HAPLN1: variants seen among roughly 807,000 people sequenced by gnomAD.
HAPLN1 encodes Cartilage link protein.
Under a neutral mutation model 36.5 loss-of-function variants are expected in HAPLN1, and 13 were observed. The ratio of observed to expected loss-of-function variants is 0.36; its 90% CI spans 0.23 to 0.57. HAPLN1 has a LOEUF of 0.57. Among genes scored for constraint, HAPLN1 ranks in the 20% least tolerant of loss-of-function variants. The pLI is 0.83. For synonymous variants in HAPLN1, 202 were observed against 169.8 expected (o/e 1.19, Z -1.48); for missense variants, 407 against 439.7 (o/e 0.93, Z 0.66).
At chr5:83,663,152 C>G (rs905542889) in intron 2 of HAPLN1, among the ~76,000 whole-genome samples, 2 of 152,154 alleles carry the variant, frequency 1.3e-5, no homozygotes, top group Non-Finnish European at 2.9e-5. Context: ...GCACAGGCCC[C>G]GTTCTAAACA....
At chr5:83,697,695 A>G (rs1482408506) in intron 1 of HAPLN1, among the ~76,000 whole-genome samples, 1 of 152,042 alleles carries the variant, frequency 6.6e-6, no homozygotes, top group Non-Finnish European at 1.5e-5. Context: ...CCTCACTGAC[A>G]CTTATTATTG....
intron 1 of HAPLN1, among the ~76,000 whole-genome samples, chr5:83,702,550 C>G (rs917488808): frequency 1.1e-4 from 16 of 152,116 alleles, no homozygotes; most frequent in African/African-American, 3.6e-4. Context: ...GGTTTGGTCT[C>G]TCAGAGAAAT....
rs144125751 is a variant in HAPLN1, at chr5:83,680,042, A to G, written c.-26-6493T>C. On this transcript the variant is annotated intron_variant, in intron 1 of 4. Transcript: ENST00000274341. ...GTTTAAGTAGCAATTCAATTTACTT[A>G]CTGTTTTTGGCTGTTGCTCTTTGCT... 2.6e-5 allele frequency among the ~76,000 whole-genome samples: 4 copies of G among 152,276 alleles called. No individual in the cohort carries two copies. In the East Asian group the frequency reaches 5.8e-4, roughly 22 times the overall value.
chr5:83,662,742 T>G (rs1750439754), intron 2 of HAPLN1, among the ~76,000 whole-genome samples: 1 of 152,208 alleles, frequency 6.6e-6, no homozygotes, highest in African/African-American at 2.4e-5. Context: ...TGCCTTGATG[T>G]GGTAAAGGCA....
chr5:83,671,372 C>T (rs1395952448), intron 2 of HAPLN1, among the ~76,000 whole-genome samples: 1 of 152,186 alleles, frequency 6.6e-6, no homozygotes, highest in African/African-American at 2.4e-5. Flanking sequence ...ATTGAGATAG[C>T]TAATTTAATC....
intron 4 of HAPLN1, among the ~76,000 whole-genome samples, chr5:83,644,098 C>A (rs974642820): frequency 6.6e-6 from 1 of 152,138 alleles, no homozygotes; most frequent in African/African-American, 2.4e-5. Flanking sequence ...AGACCTCAAG[C>A]CACATAACAG....
chr5:83,690,698 T>G (rs1004615141), intron 1 of HAPLN1, among the ~76,000 whole-genome samples: 18 of 152,036 alleles, frequency 1.2e-4, no homozygotes, highest in Admixed American at 6.6e-5. Context: ...ACCCCTGATT[T>G]TCTCTTCCTT....
At position 83,704,322 on chromosome 5, in the gene HAPLN1, A is replaced by G. The variant is rs1181664814; in HGVS notation, c.-27+16467T>C. ...AAAAGCACACTTAAATATACAGGCA[A>G]GTGACACTATAAAGCAACCACACAA... On this transcript the variant is annotated intron_variant, in intron 1 of 4. Transcript: ENST00000274341. Among the ~76,000 whole-genome samples, 5 of 152,226 alleles carry G rather than the reference A, an allele frequency of 3.3e-5. No homozygotes were observed. In the East Asian group the frequency reaches 9.6e-4, roughly 29 times the overall value.
intron 2 of HAPLN1, among the ~76,000 whole-genome samples, chr5:83,659,225 G>T (rs552340802): frequency 8.6e-5 from 13 of 151,874 alleles, no homozygotes; most frequent in Admixed American, 7.2e-4. Context: ...AGTGAGCCAA[G>T]ATTGCACCAC....
intron 1 of HAPLN1, among the ~76,000 whole-genome samples, chr5:83,688,183 CT>C (rs1423596845): frequency 2.6e-5 from 4 of 152,162 alleles, no homozygotes; most frequent in Non-Finnish European, 5.9e-5. Context: ...CTTTAGTCTT[CT>C]GATACTCTCT....
chr5:83,667,212 A>G (rs1291220990), intron 2 of HAPLN1, among the ~76,000 whole-genome samples: 1 of 152,166 alleles, frequency 6.6e-6, no homozygotes, highest in East Asian at 1.9e-4. Flanking sequence ...ACTCCTACAT[A>G]TATACTTTTG....
chr5:83,641,851 G>A, intron 4 of HAPLN1, 66 bp from the exon 5 acceptor site: 1 of 1,489,510 alleles, frequency 6.7e-7, no homozygotes, highest in South Asian at 1.3e-5. Flanking sequence ...GATAGAAAGA[G>A]CCAAAAACGG....
chr5:83,685,671 G>A lies in HAPLN1; in HGVS notation c.-26-12122C>T, dbSNP rs187275788. On this transcript the variant is annotated intron_variant, in intron 1 of 4. Transcript: ENST00000274341. ...TTGGTCCTTCTAATCTTGAGTTTTC[G>A]TGAGTGTTCAATGAATGAATAAGGA... 2.4e-4 allele frequency among the ~76,000 whole-genome samples: 36 copies of A among 152,180 alleles called. No individual in the cohort carries two copies. In the East Asian group the frequency reaches 2.7e-3, roughly 11 times the overall value.
chr5:83,713,624 C>A (rs1455418882), intron 1 of HAPLN1, among the ~76,000 whole-genome samples: 1 of 152,170 alleles, frequency 6.6e-6, no homozygotes, highest in Non-Finnish European at 1.5e-5. Context: ...AATGTGCATT[C>A]AACTCCTATG....
chr5:83,687,512 C>T (rs1251835080), intron 1 of HAPLN1, among the ~76,000 whole-genome samples: 1 of 152,190 alleles, frequency 6.6e-6, no homozygotes, highest in Admixed American at 6.6e-5. Context: ...GAATATCTCT[C>T]ACCATTATAG....
intron 1 of HAPLN1, among the ~76,000 whole-genome samples, chr5:83,706,914 G>A (rs530227304): frequency 6.6e-6 from 1 of 152,088 alleles, no homozygotes; most frequent in South Asian, 2.1e-4. Flanking sequence ...AAAATCACTA[G>A]CATTCCTATA....
intron 3 of HAPLN1, among the ~76,000 whole-genome samples, chr5:83,645,351 G>C (rs187736015): frequency 3.6e-4 from 54 of 152,074 alleles, no homozygotes; most frequent in Non-Finnish European, 3.5e-4. Flanking sequence ...AAACAAGCTT[G>C]TCCAACCCAT....
Position 83,641,280 on chromosome 5 carries a change from G to C in HAPLN1, c.*216C>G, listed in dbSNP as rs962538459. On this transcript the variant is annotated 3_prime_UTR_variant, in exon 5 of 5. Coordinates refer to ENST00000274341, the MANE Select transcript of HAPLN1 (RefSeq NM_001884.4). ...GTTTGGCTCTAAGTCTCCTTACATA[G>C]AGCTTCCCTTAAATTTATATTAATT... 37 of 249,334 alleles carry C rather than the reference G, an allele frequency of 1.5e-4. No individual in the cohort carries two copies. In the Middle Eastern group the frequency reaches 5.2e-3, roughly 35 times the overall value. The allele number at this position is 249,334 out of a possible 1,614,324, so 15.4% of individuals were successfully genotyped here. A position where few individuals can be genotyped will look rare whatever the true frequency, so the allele number is the denominator to read the frequency against.
intron 1 of HAPLN1, among the ~76,000 whole-genome samples, chr5:83,685,203 A>G (rs1418613528): frequency 3.9e-5 from 6 of 152,236 alleles, no homozygotes; most frequent in Non-Finnish European, 8.8e-5. Context: ...AATCCAGCTC[A>G]TTGTCTGCAT....
Sources: gnomAD v4.1 joint callset for allele counts (sites outside exome capture counted in the v4.1 genomes callset) on GRCh38, gnomAD v4.1.1 for gene constraint, MANE v1.5 for transcripts, NCBI Gene and HGNC (gene_info 2026-07-23, HGNC 2026-07-21) for gene names.